Variants in NAALADL2 observed in about 807,000 individuals in gnomAD.
NAALADL2 encodes the protein inactive N-acetylated-alpha-linked acidic dipeptidase-like protein 2.
NAALADL2 carries 76 observed loss-of-function variants against 87.2 expected under a neutral mutation model. The ratio of observed to expected loss-of-function variants is 0.87; its 90% CI spans 0.72 to 1.05. The LOEUF (loss-of-function observed/expected upper bound fraction) is 1.05. Ranked by LOEUF, NAALADL2 falls within the 50% of genes least tolerant of loss-of-function variation. The pLI is 0.00. For missense variants in NAALADL2, 1,089 were observed against 945.8 expected (o/e 1.15, Z -1.99); for synonymous variants, 354 against 331.0 (o/e 1.07, Z -0.75).
intron 2 of NAALADL2, among the ~76,000 whole-genome samples, chr3:174,558,009 C>T (rs543441229): frequency 2.2e-4 from 34 of 152,282 alleles, no homozygotes; most frequent in Middle Eastern, 3.4e-3. Context: ...GTCAGGGAGG[C>T]ACCCTCTGCC....
intron 1 of NAALADL2, among the ~76,000 whole-genome samples, chr3:174,441,533 C>T (rs970354371): frequency 6.6e-5 from 10 of 152,138 alleles, no homozygotes; most frequent in Non-Finnish European, 1.2e-4. Flanking sequence ...TCCGCCCCCG[C>T]GCGTGGAATG....
At chr3:174,639,639 C>G (rs1722979769) in intron 2 of NAALADL2, among the ~76,000 whole-genome samples, 1 of 152,268 alleles carries the variant, frequency 6.6e-6, no homozygotes, top group Non-Finnish European at 1.5e-5. Context: ...TTAGGCTCAG[C>G]CTGCAGGGAG....
rs535716478 is a variant in NAALADL2 at position 174,862,655 on chromosome 3, C to T, written c.43+3205C>T. On this transcript the variant is annotated intron_variant, in intron 1 of 13. Coordinates refer to ENST00000454872, the MANE Select transcript of NAALADL2 (RefSeq NM_207015.3). ...TCGAAATATATTCAAGGGCACCTTC[C>T]TCTTTGTAAATAATATGATATACTA... Among the ~76,000 whole-genome samples the T allele has an allele frequency of 5.3e-5, 8 of 152,166 alleles. No homozygotes were observed. The East Asian group carries it at 1.5e-3, about 29-fold the overall frequency.
chr3:175,126,992 G>C (rs185819024), intron 2 of NAALADL2, among the ~76,000 whole-genome samples: 5 of 152,016 alleles, frequency 3.3e-5, no homozygotes, highest in African/African-American at 1.2e-4. Context: ...ATATGGGTCT[G>C]AGGGGTAAAG....
At chr3:175,238,567 A>AT (rs1205594294) in intron 3 of NAALADL2, among the ~76,000 whole-genome samples, 1 of 152,162 alleles carries the variant, frequency 6.6e-6, no homozygotes, top group African/African-American at 2.4e-5. Context: ...AAGAAAGCAC[A>AT]TGCTATTGAT....
At chr3:175,395,747 T>C (rs1769696746) in intron 5 of NAALADL2, among the ~76,000 whole-genome samples, 1 of 152,236 alleles carries the variant, frequency 6.6e-6, no homozygotes, top group South Asian at 2.1e-4. Flanking sequence ...TAATGATAGC[T>C]ATCCATCTCT....
At position 174,780,740 on chromosome 3, in the gene NAALADL2, C is replaced by T. The variant is rs151097590; in HGVS notation, c.-9+42994C>T. Among the ~76,000 whole-genome samples the T allele has an allele frequency of 4.0e-4, 61 of 151,942 alleles. No individual in the cohort carries two copies. The East Asian group carries it at 0.011, about 27-fold the overall frequency. ...CCTTTTCTGCACCTGTTGAGATAATCATGTTTTTTTTGTCATTGGGGCATT... is the reference window on the plus strand; with the variant it reads ...CCTTTTCTGCACCTGTTGAGATAATTATGTTTTTTTTGTCATTGGGGCATT... On this transcript the variant is annotated intron_variant, in intron 3 of 3. Transcript: ENST00000434257.
intron 3 of NAALADL2, among the ~76,000 whole-genome samples, chr3:174,845,044 A>G (rs1346200373): frequency 6.6e-6 from 1 of 151,964 alleles, no homozygotes; most frequent in East Asian, 1.9e-4. Flanking sequence ...GGAAACAAAG[A>G]TAAATTCTAA....
chr3:175,202,873 G>A (rs1204174186), intron 2 of NAALADL2, among the ~76,000 whole-genome samples: 1 of 152,070 alleles, frequency 6.6e-6, no homozygotes, highest in Non-Finnish European at 1.5e-5. Context: ...CCTCTGCAGA[G>A]TCATGCAGGT....
intron 2 of NAALADL2, among the ~76,000 whole-genome samples, chr3:175,230,731 TATAAA>T (rs1434932750): frequency 6.6e-6 from 1 of 152,002 alleles, no homozygotes; most frequent in East Asian, 1.9e-4. Context: ...AAAAGTATAA[TATAAA>T]ATAAAATTTA....
chr3:175,426,052 G>A (rs1215675056), intron 5 of NAALADL2, among the ~76,000 whole-genome samples: 1 of 152,120 alleles, frequency 6.6e-6, no homozygotes, highest in Non-Finnish European at 1.5e-5. Flanking sequence ...GTGGCCAGGT[G>A]AAAAATATTG....
intron 13 of NAALADL2, among the ~76,000 whole-genome samples, chr3:175,791,037 A>G (rs549023188): frequency 6.6e-6 from 1 of 152,176 alleles, no homozygotes; most frequent in Non-Finnish European, 1.5e-5. Context: ...AAAGCATCTC[A>G]GTTCCATTGC....
intron 4 of NAALADL2, among the ~76,000 whole-genome samples, chr3:175,265,810 CAG>C (rs990369048): frequency 2.0e-5 from 3 of 151,378 alleles, no homozygotes; most frequent in East Asian, 1.9e-4. Flanking sequence ...TCTATACAAA[CAG>C]AAAATATTTT....
chr3:175,353,203 C>G (rs1487758411), intron 5 of NAALADL2, among the ~76,000 whole-genome samples: 3 of 151,446 alleles, frequency 2.0e-5, no homozygotes, highest in Non-Finnish European at 4.4e-5. Context: ...ATTTAAGAAA[C>G]TTTGAATTAG....
intron 2 of NAALADL2, among the ~76,000 whole-genome samples, chr3:174,603,042 A>C (rs1365932117): frequency 6.6e-6 from 1 of 151,978 alleles, no homozygotes; most frequent in East Asian, 1.9e-4. Flanking sequence ...TTGCATCAAT[A>C]TTCATCAGTG....
chr3:174,909,825 C>T (rs1342301357), intron 1 of NAALADL2, among the ~76,000 whole-genome samples: 1 of 152,098 alleles, frequency 6.6e-6, no homozygotes, highest in Non-Finnish European at 1.5e-5. Flanking sequence ...TCATAATTGT[C>T]AGCTGTTTTT....
In NAALADL2 at chr3:175,804,242, G is replaced by A. The variant is rs1010912540; in HGVS notation, c.*1039G>A. 1 of 151,736 alleles carries A rather than the reference G, an allele frequency of 6.6e-6. No individual in the cohort carries two copies. The highest frequency in any genetic ancestry group is 1.5e-5 in the Non-Finnish European group (1 of 67,798). The allele number at this position is 151,736 out of a possible 1,614,324, so 9.4% of individuals were successfully genotyped here. A position where few individuals can be genotyped will look rare whatever the true frequency, so the allele number is the denominator to read the frequency against. On this transcript the variant is annotated 3_prime_UTR_variant, in exon 14 of 14. Coordinates refer to ENST00000454872, the MANE Select transcript of NAALADL2 (RefSeq NM_207015.3). ...AGAAATAGTTGTTTTATCAATAAAA[G>A]CCCCTTAATATTATGAAGAAACTTT...
At chr3:175,034,588 CTA>C (rs1035055022) in intron 1 of NAALADL2, among the ~76,000 whole-genome samples, 3 of 152,042 alleles carry the variant, frequency 2.0e-5, no homozygotes, top group African/African-American at 7.2e-5. Flanking sequence ...TCCCATTTGA[CTA>C]TGTTTTATTT....
chr3:175,392,136 A>T (rs1403551178), intron 5 of NAALADL2, among the ~76,000 whole-genome samples: 2 of 152,200 alleles, frequency 1.3e-5, no homozygotes, highest in African/African-American at 4.8e-5. Context: ...TTCAGCCTTC[A>T]TGCTTTTCTG....
Sources: allele counts gnomAD v4.1 joint callset (sites outside exome capture counted in the v4.1 genomes callset), GRCh38; gene constraint gnomAD v4.1.1; transcripts MANE v1.5; gene names NCBI Gene and HGNC (gene_info 2026-07-23, HGNC 2026-07-21).